The following CCDC32 variants were observed in gnomAD, a reference collection of about 807,000 sequenced individuals.
CCDC32 encodes the protein coiled-coil domain containing 32.
A neutral mutation model predicts 20.1 loss-of-function variants in CCDC32; 9 were observed. That is an observed-to-expected ratio of 0.45 (90% CI 0.27 to 0.78). The LOEUF is 0.78. Ranked by LOEUF, CCDC32 falls within the 30% of genes least tolerant of loss-of-function variation. The pLI, the probability that CCDC32 is intolerant of heterozygous loss-of-function variation, is 0.16. For missense variants in CCDC32, 204 were observed against 215.5 expected, an observed-to-expected ratio of 0.95 and a Z score of 0.33; for synonymous variants, 63 against 79.0, an observed-to-expected ratio of 0.80 and a Z score of 1.07.
intron 2 of CCDC32, among the ~76,000 whole-genome samples, chr15:40,561,480 A>C (rs11629680): frequency 0.21 from 31,097 of 151,528 alleles, 4,166 homozygotes; most frequent in East Asian, 0.67. Flanking sequence ...CTCAAAAAAA[A>C]AAAACAAAAC....
chr15:40,539,840 CCACA>C (rs142688774), intron 3 of CCDC32, among the ~76,000 whole-genome samples: 25,976 of 134,506 alleles, frequency 0.19, 2,738 homozygotes, highest in Middle Eastern at 0.29. Flanking sequence ...CAAACTGTTG[CCACA>C]CACACACACA....
downstream of CCDC32, chr15:40,535,617 A>G (rs1386286759): frequency 5.1e-6 from 5 of 985,364 alleles, no homozygotes; most frequent in Admixed American, 6.1e-5. Flanking sequence ...AACCAAAAAA[A>G]AAAAAGAAAA....
At chr15:40,539,667 T>G (rs1889291955) in intron 3 of CCDC32, among the ~76,000 whole-genome samples, 1 of 152,184 alleles carries the variant, frequency 6.6e-6, no homozygotes, top group African/African-American at 2.4e-5. Context: ...CCGCTGCCCC[T>G]GCTCCCATCC....
chr15:40,535,052 G>A (rs1417053153), downstream of CCDC32: 4 of 725,198 alleles, frequency 5.5e-6, no homozygotes, highest in African/African-American at 1.7e-5. Context: ...AGTCCTGGGG[G>A]ACCAGACTGT....
At chr15:40,563,664 C>T (rs1890806670) in intron 1 of CCDC32, among the ~76,000 whole-genome samples, 1 of 123,868 alleles carries the variant, frequency 8.1e-6, no homozygotes, top group South Asian at 2.8e-4. Flanking sequence ...CAATTTTATG[C>T]TACATATATT....
chr15:40,551,428 G>A (rs1444819616), downstream of CCDC32, among the ~76,000 whole-genome samples: 2 of 151,916 alleles, frequency 1.3e-5, no homozygotes, highest in Non-Finnish European at 2.9e-5. Context: ...CCCTGGAGAG[G>A]AGTGAGGCCT....
downstream of CCDC32, among the ~76,000 whole-genome samples, chr15:40,550,406 C>T (rs1416650094): frequency 6.6e-6 from 1 of 152,214 alleles, no homozygotes; most frequent in African/African-American, 2.4e-5. Context: ...AAGAGATCAG[C>T]ATTTTAGGCC....
downstream of CCDC32, chr15:40,535,391 A>G (rs915178464): frequency 4.8e-6 from 5 of 1,030,960 alleles, no homozygotes; most frequent in Non-Finnish European, 5.8e-6. Flanking sequence ...ATAATGCTTT[A>G]TATTTCTAAC....
chr15:40,529,956 C>T (rs1888825740), downstream of CCDC32, among the ~76,000 whole-genome samples: 1 of 151,230 alleles, frequency 6.6e-6, no homozygotes, highest in African/African-American at 2.4e-5. Flanking sequence ...CCACTGCGCC[C>T]AGCCGGTTGG....
downstream of CCDC32, chr15:40,539,160 C>G: frequency 8.0e-7 from 1 of 1,249,182 alleles, no homozygotes; most frequent in East Asian, 2.5e-5. Flanking sequence ...CTCCCCAGCT[C>G]CCGCTCAAAC....
At chr15:40,524,783 G>C (rs1195437005), downstream of CCDC32, among the ~76,000 whole-genome samples, 2 of 96,670 alleles carry the variant, frequency 2.1e-5, no homozygotes, top group Non-Finnish European at 3.8e-5. Context: ...ACTGGGTCTT[G>C]TTCTGTTGCT....
chr15:40,525,375 C>A (rs1200620187), downstream of CCDC32, among the ~76,000 whole-genome samples: 1 of 151,694 alleles, frequency 6.6e-6, no homozygotes, highest in Admixed American at 6.6e-5. Context: ...GTTGGCCAGG[C>A]TAGTCTCAAA....
At chr15:40,535,033 G>A (rs764553656), downstream of CCDC32, 131 of 712,426 alleles carry the variant, frequency 1.8e-4, no homozygotes, top group Non-Finnish European at 2.7e-4. Flanking sequence ...AAGGAAATCA[G>A]TTTGGGAAAG....
At chr15:40,549,738 C>T (rs1429113366), downstream of CCDC32, among the ~76,000 whole-genome samples, 6 of 152,202 alleles carry the variant, frequency 3.9e-5, no homozygotes, top group Admixed American at 6.5e-5. Context: ...AAACAGCCCT[C>T]GCACAAACCT....
chr15:40,538,045 T>C (rs1265497034), downstream of CCDC32: 2 of 152,284 alleles, frequency 1.3e-5, no homozygotes, highest in African/African-American at 2.4e-5. Context: ...TGCTAACTTA[T>C]GACTACAAGG....
downstream of CCDC32, chr15:40,531,291 C>T (rs1450901831): frequency 6.6e-6 from 1 of 150,966 alleles, no homozygotes; most frequent in Non-Finnish European, 1.5e-5. Context: ...TGTAACAAAA[C>T]TTCACCTATA....
At chr15:40,554,875 T>C (rs1890134657) in intron 3 of CCDC32, among the ~76,000 whole-genome samples, 1 of 152,204 alleles carries the variant, frequency 6.6e-6, no homozygotes, top group African/African-American at 2.4e-5. Context: ...TATTCTATGC[T>C]CCTCAATAGC....
At chr15:40,532,632 T>G (rs542086134), downstream of CCDC32, among the ~76,000 whole-genome samples, 81 of 152,050 alleles carry the variant, frequency 5.3e-4, no homozygotes, top group Non-Finnish European at 1.0e-3. Flanking sequence ...AGTTATAAAC[T>G]GTTCCATACT....
At position 40,562,973 on chromosome 15, in the gene CCDC32, C is replaced by T. The variant is rs200355814; in HGVS notation, c.43G>A (p.Gly15Ser). 1 of 1,614,064 alleles carries T rather than the reference C, an allele frequency of 6.2e-7. No homozygotes were observed. The highest frequency in any genetic ancestry group is 1.7e-5 in the Admixed American group (1 of 60,004). ...ESADSTATRSGQDLWAEICSC... is the reference protein window; with the variant it reads ...ESADSTATRSSQDLWAEICSC... ...CAAATTTCAGCCCAGAGATCCTGGC[C>T]AGATCTTGTGGCTGTAGAGTCAGCG... Residue 15 changes from glycine (G) to serine (S), a missense_variant, in exon 2 of 4, where the codon GGC becomes AGC. By Grantham distance (56) the Gly-to-Ser change is moderately conservative. Transcript: ENST00000416810.
Sources: allele counts gnomAD v4.1 joint callset (sites outside exome capture counted in the v4.1 genomes callset), GRCh38; gene constraint gnomAD v4.1.1; transcripts MANE v1.5; gene names NCBI Gene and HGNC (gene_info 2026-07-23, HGNC 2026-07-21).